The following IFT88 variants were observed in gnomAD, a reference collection of about 807,000 sequenced individuals.
IFT88 encodes the protein intraflagellar transport 88.
A neutral mutation model predicts 119.5 loss-of-function variants in IFT88; 74 were observed. The observed-to-expected ratio is 0.62, with a 90% CI of 0.51 to 0.75. IFT88 has a LOEUF of 0.75. IFT88 is among the 30% of genes least tolerant of loss of function. The probability of loss-of-function intolerance (pLI) is 0.00; values close to 1 mark genes in which losing one functional copy is unlikely to be tolerated. For synonymous variants in IFT88, 279 were observed against 316.7 expected, an observed-to-expected ratio of 0.88 and a Z score of 1.26; for missense variants, 961 against 977.7, an observed-to-expected ratio of 0.98 and a Z score of 0.23.
chr13:20,588,698 A>G (rs2040153003), intron 3 of IFT88, among the ~76,000 whole-genome samples: 1 of 152,220 alleles, frequency 6.6e-6, no homozygotes. Context: ...CACTACAGAA[A>G]GTTTATTGGA....
chr13:20,613,533 T>G (rs377682822), intron 13 of IFT88, among the ~76,000 whole-genome samples: 52 of 152,192 alleles, frequency 3.4e-4, no homozygotes, highest in African/African-American at 1.2e-3. Context: ...CCCCAAAAGG[T>G]TAAGCATAGA....
At chr13:20,584,740 C>T (rs1010801546) in intron 3 of IFT88, among the ~76,000 whole-genome samples, 8 of 152,106 alleles carry the variant, frequency 5.3e-5, no homozygotes, top group Non-Finnish European at 8.8e-5. Flanking sequence ...AAAGTTCTAT[C>T]CCTAATGTTC....
At chr13:20,624,847 G>A (rs1189552898) in intron 14 of IFT88, among the ~76,000 whole-genome samples, 1 of 152,082 alleles carries the variant, frequency 6.6e-6, no homozygotes, top group African/African-American at 2.4e-5. Flanking sequence ...TGTACACATT[G>A]TGGAATTGCT....
At chr13:20,637,235 A>G (rs1046239082) in intron 16 of IFT88, among the ~76,000 whole-genome samples, 1 of 152,220 alleles carries the variant, frequency 6.6e-6, no homozygotes, top group African/African-American at 2.4e-5. Flanking sequence ...AACCTACTAA[A>G]TGCCACAGAA....
At chr13:20,577,349 A>G (rs1593698848) in intron 2 of IFT88, among the ~76,000 whole-genome samples, 1 of 152,054 alleles carries the variant, frequency 6.6e-6, no homozygotes, top group East Asian at 1.9e-4. Context: ...GATGCCCTTT[A>G]TTTCTTTCTC....
At chr13:20,673,911 G>C (rs2056280903) in intron 24 of IFT88, among the ~76,000 whole-genome samples, 1 of 152,148 alleles carries the variant, frequency 6.6e-6, no homozygotes, top group Admixed American at 6.5e-5. Context: ...GTGTTACTAG[G>C]TTCTTCTGGC....
At chr13:20,569,522 G>A (rs991639239) in intron 1 of IFT88, among the ~76,000 whole-genome samples, 7 of 151,172 alleles carry the variant, frequency 4.6e-5, no homozygotes, top group African/African-American at 1.7e-4. Context: ...TCAGTGAGCC[G>A]AGATCGCGCC....
chr13:20,635,859 T>G (rs990854180), intron 16 of IFT88, among the ~76,000 whole-genome samples: 2 of 151,944 alleles, frequency 1.3e-5, no homozygotes, highest in Non-Finnish European at 2.9e-5. Flanking sequence ...ACCTGCACAT[T>G]CTGCACATGT....
At chr13:20,618,493 G>C (rs906671749) in intron 14 of IFT88, among the ~76,000 whole-genome samples, 6 of 152,166 alleles carry the variant, frequency 3.9e-5, no homozygotes, top group African/African-American at 1.4e-4. Context: ...TAGACTAGTT[G>C]AATCAGAATT....
At chr13:20,601,363 C>T (rs1253182194) in intron 11 of IFT88, among the ~76,000 whole-genome samples, 1 of 31,922 alleles carries the variant, frequency 3.1e-5, no homozygotes, top group Non-Finnish European at 6.7e-5. Flanking sequence ...GAGACCCTGT[C>T]TGAAAAAAAA....
chr13:20,572,943 G>A (rs948808725), intron 1 of IFT88, among the ~76,000 whole-genome samples: 4 of 152,154 alleles, frequency 2.6e-5, no homozygotes, highest in South Asian at 4.1e-4. Flanking sequence ...TTGCTGGATA[G>A]TACTTCATTG....
intron 17 of IFT88, among the ~76,000 whole-genome samples, chr13:20,640,571 A>AAAATAAATAAAT (rs57789982): frequency 0.027 from 3,898 of 144,248 alleles, 56 homozygotes; most frequent in Middle Eastern, 0.035. Context: ...ACTCCGTCTC[A>AAAATAAATAAAT]AAATAAATAA....
chr13:20,567,855 G>GTT, intron 1 of IFT88: 2 of 897,834 alleles, frequency 2.2e-6, no homozygotes, highest in Non-Finnish European at 3.2e-6. Flanking sequence ...CTGGTTGTGA[G>GTT]TTTTTTTTGT....
chr13:20,640,433 C>T (rs1207537698), intron 17 of IFT88, among the ~76,000 whole-genome samples: 8 of 151,718 alleles, frequency 5.3e-5, no homozygotes, highest in South Asian at 2.1e-4. Context: ...ATTAGCCAGG[C>T]GTGATGGCGG....
intron 9 of IFT88, among the ~76,000 whole-genome samples, chr13:20,598,431 T>C (rs906452704): frequency 6.6e-6 from 1 of 152,208 alleles, no homozygotes. Context: ...TTAAATAGAA[T>C]ACATAGAAAA....
rs149670041 is a variant in IFT88 at position 20,581,524 on chromosome 13, G to T, written c.91-1433G>T. Among the ~76,000 whole-genome samples, 326 of 152,222 alleles carry T rather than the reference G, an allele frequency of 2.1e-3. 1 individual carries two copies. The highest frequency in any genetic ancestry group is 7.1e-3 in the African/African-American group (293 of 41,532). ...ATTCAAAAGTCTTTAGTTTCTATGG[G>T]TAACTGAGAATCGTGTAATTTTATG... On this transcript the variant is annotated intron_variant, in intron 2 of 25. Transcript: ENST00000351808.
chr13:20,614,822 T>C (rs1295498614), intron 13 of IFT88, among the ~76,000 whole-genome samples: 1 of 146,184 alleles, frequency 6.8e-6, no homozygotes, highest in African/African-American at 2.5e-5. Flanking sequence ...CTTTTCTTTT[T>C]TTTTTTTTTT....
chr13:20,670,922 C>A, intron 23 of IFT88, 51 bp from the exon 24 acceptor site: 1 of 1,511,570 alleles, frequency 6.6e-7, no homozygotes, highest in Non-Finnish European at 9.1e-7. Context: ...CTATATTCAA[C>A]TTTGAAGGAA....
intron 20 of IFT88, among the ~76,000 whole-genome samples, chr13:20,648,929 C>T (rs2051163350): frequency 2.0e-5 from 3 of 151,932 alleles, no homozygotes; most frequent in African/African-American, 7.3e-5. Flanking sequence ...TTACAAGAGC[C>T]AAAGAATGAT....
Sources: gnomAD v4.1 joint callset for allele counts (sites outside exome capture counted in the v4.1 genomes callset) on GRCh38, gnomAD v4.1.1 for gene constraint, MANE v1.5 for transcripts, NCBI Gene and HGNC (gene_info 2026-07-23, HGNC 2026-07-21) for gene names.